The following TMPRSS9 variants were observed in gnomAD, a reference collection of about 807,000 sequenced individuals.
TMPRSS9 encodes the protein transmembrane serine protease 9, also known as transmembrane protease serine 9.
TMPRSS9 carries 113 observed loss-of-function variants against 111.4 expected under a neutral mutation model. The observed-to-expected ratio is 1.01, with a 90% CI of 0.87 to 1.19. TMPRSS9 has a LOEUF of 1.19. Ranked by LOEUF, TMPRSS9 falls within the 50% of genes most tolerant of loss-of-function variation. TMPRSS9 has a pLI of 0.00. For synonymous variants in TMPRSS9, 805 were observed against 659.1 expected (o/e 1.22, Z -3.39); for missense variants, 1,803 against 1,513.1 (o/e 1.19, Z -3.18).
At chr19:2,398,976 G>A (rs546027860) in intron 3 of TMPRSS9, 42 bp from the exon 5 acceptor site, 90 of 1,590,106 alleles carry the variant, frequency 5.7e-5, no homozygotes, top group Middle Eastern at 1.7e-4. Flanking sequence ...CCAGCAGGGC[G>A]GAGCCCCTCC....
chr19:2,421,749 C>CCG, intron 13 of TMPRSS9, 105 bp from the exon 15 acceptor site: 1 of 1,327,486 alleles, frequency 7.5e-7, no homozygotes, highest in African/African-American at 1.5e-5. Flanking sequence ...CTCTGCCCCC[C>CCG]GCCCTCGATG....
exon 14 of TMPRSS9, chr19:2,421,997 G>A (rs762109810): frequency 5.6e-6 from 9 of 1,613,126 alleles, no homozygotes; most frequent in Non-Finnish European, 7.6e-6. Flanking sequence ...GCTGGATCCT[G>A]GAGATCATGT....
chr19:2,416,029 G>T (rs1335435293), intron 11 of TMPRSS9, among the ~76,000 whole-genome samples, 188 bp downstream of exon 12: 1 of 152,170 alleles, frequency 6.6e-6, no homozygotes, highest in East Asian at 1.9e-4. Flanking sequence ...GGCCTAACCA[G>T]GGGAGGGGGA....
At chr19:2,416,514 T>A in intron 11 of TMPRSS9, 24 bp from the exon 13 acceptor site, 1 of 1,590,794 alleles carries the variant, frequency 6.3e-7, no homozygotes, top group Non-Finnish European at 8.6e-7. Context: ...AGGGCAGGCA[T>A]GTCTGAGGGC....
At chr19:2,383,803 T>C (rs1450185392) in intron 1 of TMPRSS9, among the ~76,000 whole-genome samples, 1 of 150,266 alleles carries the variant, frequency 6.7e-6, no homozygotes, top group Non-Finnish European at 1.5e-5. Context: ...GACCCCCCCA[T>C]CTCAAAACAA....
intron 1 of TMPRSS9, among the ~76,000 whole-genome samples, chr19:2,390,465 G>A (rs891411315): frequency 1.3e-5 from 2 of 148,568 alleles, no homozygotes; most frequent in African/African-American, 2.4e-5. Context: ...GGATGGTCTC[G>A]ATCTCCTGAC....
At chr19:2,413,830 G>T in exon 10 of TMPRSS9, 1 of 1,613,744 alleles carries the variant, frequency 6.2e-7, no homozygotes, top group Non-Finnish European at 8.5e-7. Context: ...ACCAGGCTAC[G>T]TGACTGGATC....
chr19:2,385,319 C>A (rs1032379922), upstream of TMPRSS9, among the ~76,000 whole-genome samples: 15 of 152,080 alleles, frequency 9.9e-5, no homozygotes, highest in Non-Finnish European at 1.5e-4. Flanking sequence ...CCCTCAGGGG[C>A]CGACAGCTGC....
upstream of TMPRSS9, chr19:2,389,668 G>A (rs1167934356): frequency 9.8e-6 from 13 of 1,326,046 alleles, no homozygotes; most frequent in Admixed American, 5.1e-5. Context: ...GCGCCCCGCC[G>A]TTTTTAAGGG....
chr19:2,416,726 T>C (rs1053202560), exon 12 of TMPRSS9: 6 of 1,613,102 alleles, frequency 3.7e-6, no homozygotes, highest in Non-Finnish European at 5.1e-6. Context: ...ATCCAGCCTG[T>C]CTGCCTGCCC....
intron 1 of TMPRSS9, among the ~76,000 whole-genome samples, chr19:2,376,993 G>A (rs1363512689): frequency 6.6e-6 from 1 of 151,874 alleles, no homozygotes; most frequent in African/African-American, 2.4e-5. Flanking sequence ...AGTGTGCCCA[G>A]AACCCGAGAA....
intron 1 of TMPRSS9, among the ~76,000 whole-genome samples, chr19:2,375,216 A>T (rs1970322669): frequency 6.6e-6 from 1 of 152,238 alleles, no homozygotes; most frequent in African/African-American, 2.4e-5. Flanking sequence ...TGCTTCTGTG[A>T]GTTGAACCAT....
At chr19:2,408,325 G>C (rs933077034) in intron 7 of TMPRSS9, 31 bp from the exon 9 acceptor site, 2 of 1,601,378 alleles carry the variant, frequency 1.2e-6, no homozygotes, top group Non-Finnish European at 1.7e-6. Flanking sequence ...CTGACCCTCG[G>C]TGGCTTCTGA....
At chr19:2,416,351 CT>C in intron 11 of TMPRSS9, 186 bp from the exon 13 acceptor site, 1 of 748,280 alleles carries the variant, frequency 1.3e-6, no homozygotes, top group Non-Finnish European at 2.1e-6. Context: ...GCTTGGGATC[CT>C]TTTCAGGAGG....
Position 2,425,932 on chromosome 19 carries a change from C to T in TMPRSS9, c.3126C>T (p.Asp1042=), listed in dbSNP as rs766288552. The T allele has an allele frequency of 8.5e-5, 136 of 1,594,578 alleles. 2 individuals are homozygous for T. The South Asian group carries it at 1.5e-3, about 17-fold the overall frequency. Residue 1042 remains aspartate (D), a synonymous_variant, in exon 18 of 18, where the codon GAC becomes GAT. Transcript: ENST00000648592. ...CTTTCTTCTCTCCCCAACAGGGTGA[C>T]GCTGGGGGACCCCTGGCCTGCAGGG...
At chr19:2,404,869 T>C (rs566489444) in intron 6 of TMPRSS9, among the ~76,000 whole-genome samples, 2 of 150,484 alleles carry the variant, frequency 1.3e-5, no homozygotes, top group African/African-American at 2.4e-5. Flanking sequence ...GAGGCAGAGC[T>C]TGCAGTGAGT....
exon 18 of TMPRSS9, chr19:2,426,199 T>TA: frequency 1.2e-6 from 1 of 832,678 alleles, no homozygotes; most frequent in Non-Finnish European, 1.6e-6. Context: ...GGGGGGGCTG[T>TA]GGGTCATGGG....
rs12611276 is a variant in TMPRSS9 at position 2,411,715 on chromosome 19, A to G, written c.1254+1321A>G. Among the ~76,000 whole-genome samples, 108 of 152,018 alleles carry G rather than the reference A, an allele frequency of 7.1e-4. 1 individual carries two copies. Among genetic ancestry groups the G allele is most frequent in the Middle Eastern group, 6.8e-3 (2 of 294 alleles). ...AACAGGTGCCCACCACCACGCCTGG[A>G]TAATTTTTATACTTTTAGTAAAGAC... is the stretch of plus-strand genomic sequence containing the variant. On this transcript the variant is annotated intron_variant, in intron 9 of 17. Transcript: ENST00000648592.
upstream of TMPRSS9, among the ~76,000 whole-genome samples, chr19:2,385,159 A>AGCTCGCGGG (rs1568172919): frequency 1.0e-3 from 30 of 29,506 alleles, no homozygotes; most frequent in African/African-American, 2.2e-3. Flanking sequence ...GAGCTCGCGG[A>AGCTCGCGGG]GGGCGGGGCT....
Sources: allele counts gnomAD v4.1 joint callset (sites outside exome capture counted in the v4.1 genomes callset), GRCh38; gene constraint gnomAD v4.1.1; transcripts MANE v1.5; gene names NCBI Gene and HGNC (gene_info 2026-07-23, HGNC 2026-07-21).